Variants in PLCL2 observed in about 807,000 individuals in gnomAD.
PLCL2 encodes inactive phospholipase C-like protein 2.
PLCL2 carries 4 observed loss-of-function variants against 79.6 expected under a neutral mutation model. The ratio of observed to expected loss-of-function variants is 0.05; its 90% confidence interval spans 0.02 to 0.11. PLCL2 has a LOEUF of 0.11. Ranked by LOEUF, PLCL2 falls within the 10% of genes least tolerant of loss-of-function variation. The pLI is 1.00. For missense variants in PLCL2, 895 were observed against 1,291.0 expected (o/e 0.69, Z 4.70); for synonymous variants, 484 against 457.7 (o/e 1.06, Z -0.73).
intron 1 of PLCL2, among the ~76,000 whole-genome samples, chr3:16,916,054 TAAA>T (rs1559484609): frequency 6.6e-6 from 1 of 152,190 alleles, no homozygotes; most frequent in Non-Finnish European, 1.5e-5. Flanking sequence ...CCCATAATCT[TAAA>T]AAGCATTCTG....
intron 1 of PLCL2, among the ~76,000 whole-genome samples, chr3:16,917,506 T>C (rs1559485070): frequency 6.6e-6 from 1 of 152,314 alleles, no homozygotes; most frequent in East Asian, 1.9e-4. Context: ...GGGATTCTGA[T>C]GACTAGAAGC....
At chr3:16,902,853 C>CGTGTGT (rs1219764598) in intron 1 of PLCL2, among the ~76,000 whole-genome samples, 1,715 of 42,224 alleles carry the variant, frequency 0.041, 17 homozygotes, top group Middle Eastern at 0.17. Flanking sequence ...AAATGCAGTG[C>CGTGTGT]GTGTGTGTGT....
chr3:16,949,440 C>A (rs1238133464), intron 1 of PLCL2, among the ~76,000 whole-genome samples: 1 of 152,150 alleles, frequency 6.6e-6, no homozygotes. Flanking sequence ...TACAAATTAT[C>A]CTTGATCCTA....
intron 4 of PLCL2, among the ~76,000 whole-genome samples, chr3:17,043,638 A>G (rs116157970): frequency 0.013 from 2,031 of 151,252 alleles, 50 homozygotes; most frequent in African/African-American, 0.047. Context: ...AAAAAAAAAA[A>G]TTGTCCTGAC....
intron 1 of PLCL2, among the ~76,000 whole-genome samples, chr3:16,974,842 CATAATAG>C (rs2063907717): frequency 6.6e-6 from 1 of 152,208 alleles, no homozygotes; most frequent in African/African-American, 2.4e-5. Context: ...TCTCACTTTA[CATAATAG>C]ATGAGTATTG....
intron 1 of PLCL2, among the ~76,000 whole-genome samples, chr3:16,899,332 T>G (rs1008159474): frequency 6.6e-6 from 1 of 152,226 alleles, no homozygotes; most frequent in Admixed American, 6.5e-5. Context: ...AGTCCAGCCT[T>G]AGGCTTTTCT....
chr3:16,949,266 T>G (rs904963227), intron 1 of PLCL2, among the ~76,000 whole-genome samples: 4 of 152,074 alleles, frequency 2.6e-5, no homozygotes, highest in African/African-American at 4.8e-5. Flanking sequence ...GGTTATCCTC[T>G]CACAGGTGCC....
At chr3:17,007,532 A>G (rs2064275107) in intron 1 of PLCL2, among the ~76,000 whole-genome samples, 1 of 152,198 alleles carries the variant, frequency 6.6e-6, no homozygotes, top group South Asian at 2.1e-4. Context: ...GAAATATTCT[A>G]CCTTGTGGCT....
At chr3:17,080,963 T>C (rs1227587571) in intron 5 of PLCL2, among the ~76,000 whole-genome samples, 1 of 152,260 alleles carries the variant, frequency 6.6e-6, no homozygotes, top group Non-Finnish European at 1.5e-5. Context: ...CCTCACAGTT[T>C]AGTTTATCCA....
chr3:16,897,601 G>A (rs1696513654), intron 1 of PLCL2, among the ~76,000 whole-genome samples: 1 of 152,252 alleles, frequency 6.6e-6, no homozygotes, highest in Non-Finnish European at 1.5e-5. Context: ...TTTACTCACA[G>A]AAGATTATAA....
At chr3:16,928,499 C>T (rs1487058498) in intron 1 of PLCL2, among the ~76,000 whole-genome samples, 1 of 152,064 alleles carries the variant, frequency 6.6e-6, no homozygotes, top group African/African-American at 2.4e-5. Context: ...GAAGAGCAGC[C>T]CCAGATAGAG....
At chr3:16,892,662 T>C (rs1425564542) in intron 1 of PLCL2, among the ~76,000 whole-genome samples, 2 of 152,202 alleles carry the variant, frequency 1.3e-5, no homozygotes, top group African/African-American at 4.8e-5. Flanking sequence ...TTCCTCAGCA[T>C]GTTTTGTCAT....
At chr3:17,045,486 A>G (rs780290907) in intron 4 of PLCL2, among the ~76,000 whole-genome samples, 18 of 152,124 alleles carry the variant, frequency 1.2e-4, no homozygotes, top group Non-Finnish European at 2.6e-4. Flanking sequence ...AATGCTGAGA[A>G]GTGAAGACCT....
At chr3:16,975,864 G>A (rs2063920470) in intron 1 of PLCL2, among the ~76,000 whole-genome samples, 1 of 152,168 alleles carries the variant, frequency 6.6e-6, no homozygotes, top group South Asian at 2.1e-4. Flanking sequence ...TTGCCAGCAG[G>A]GAGACTTCTG....
intron 1 of PLCL2, among the ~76,000 whole-genome samples, chr3:16,910,778 C>T (rs1039280236): frequency 6.6e-6 from 1 of 152,028 alleles, no homozygotes; most frequent in African/African-American, 2.4e-5. Context: ...CCCCACCCAG[C>T]CTGCTCCATC....
At chr3:16,908,561 G>A (rs1176534574) in intron 1 of PLCL2, among the ~76,000 whole-genome samples, 2 of 152,168 alleles carry the variant, frequency 1.3e-5, no homozygotes, top group African/African-American at 2.4e-5. Flanking sequence ...AACACTAAGG[G>A]CAGTTGCAGG....
intron 1 of PLCL2, among the ~76,000 whole-genome samples, chr3:16,970,168 A>T (rs1416731497): frequency 6.6e-6 from 1 of 151,750 alleles, no homozygotes; most frequent in African/African-American, 2.4e-5. Context: ...CCATTAACTC[A>T]TCATTTAGCA....
chr3:16,922,048 A>C (rs1361555300), intron 1 of PLCL2, among the ~76,000 whole-genome samples: 1 of 152,194 alleles, frequency 6.6e-6, no homozygotes, highest in Non-Finnish European at 1.5e-5. Context: ...GCTATTTTTA[A>C]TCTATGTCAG....
chr3:16,908,658 C>T (rs998739308), intron 1 of PLCL2, among the ~76,000 whole-genome samples: 14 of 152,054 alleles, frequency 9.2e-5, no homozygotes, highest in African/African-American at 1.7e-4. Flanking sequence ...AGCCGGGACC[C>T]GTGAATGCAC....
Sources: gnomAD v4.1 joint callset for allele counts (sites outside exome capture counted in the v4.1 genomes callset) on GRCh38, gnomAD v4.1.1 for gene constraint, MANE v1.5 for transcripts, NCBI Gene and HGNC (gene_info 2026-07-23, HGNC 2026-07-21) for gene names.